HS6ST3: variants seen among roughly 807,000 people sequenced by gnomAD.
HS6ST3 encodes the protein heparan sulfate 6-O-sulfotransferase 3, also known as heparan-sulfate 6-O-sulfotransferase 3.
A neutral mutation model predicts 36.7 loss-of-function variants in HS6ST3; 12 were observed. The ratio of observed to expected loss-of-function variants is 0.33; its 90% CI spans 0.21 to 0.53. The LOEUF (loss-of-function observed/expected upper bound fraction) is 0.53. Among genes scored for constraint, HS6ST3 ranks in the 20% least tolerant of loss-of-function variants. HS6ST3 has a pLI of 0.95. For missense variants in HS6ST3, 584 were observed against 640.9 expected (o/e 0.91, Z 0.96); for synonymous variants, 240 against 257.5 (o/e 0.93, Z 0.65).
chr13:96,435,341 T>C (rs2055636321), intron 1 of HS6ST3, among the ~76,000 whole-genome samples: 1 of 151,896 alleles, frequency 6.6e-6, no homozygotes, highest in African/African-American at 2.4e-5. Context: ...CTTTATGGAG[T>C]CTGTATGTAT....
chr13:96,500,879 GAGTA>G (rs771362977), intron 1 of HS6ST3, among the ~76,000 whole-genome samples: 4 of 152,156 alleles, frequency 2.6e-5, no homozygotes, highest in South Asian at 2.1e-4. Context: ...GGCTTGCAAA[GAGTA>G]AGTGTGTGGC....
intron 1 of HS6ST3, among the ~76,000 whole-genome samples, chr13:96,566,828 G>T (rs886531251): frequency 3.3e-5 from 5 of 152,022 alleles, no homozygotes; most frequent in Admixed American, 2.6e-4. Flanking sequence ...GTCAAAAGCT[G>T]ATCAGTTAAA....
chr13:96,226,160 A>C (rs888583284), intron 1 of HS6ST3, among the ~76,000 whole-genome samples: 3 of 152,232 alleles, frequency 2.0e-5, no homozygotes, highest in South Asian at 2.1e-4. Flanking sequence ...AGAACACTTA[A>C]AAACAACCAA....
intron 1 of HS6ST3, among the ~76,000 whole-genome samples, chr13:96,472,734 A>G (rs2055845570): frequency 6.6e-6 from 1 of 152,114 alleles, no homozygotes; most frequent in Admixed American, 6.6e-5. Flanking sequence ...CCAATCAACA[A>G]TGTTTGTGAA....
intron 1 of HS6ST3, among the ~76,000 whole-genome samples, chr13:96,504,906 A>C (rs937026939): frequency 6.6e-6 from 1 of 152,184 alleles, no homozygotes; most frequent in Non-Finnish European, 1.5e-5. Flanking sequence ...AAATGTAAAA[A>C]TAAAATTTAA....
chr13:96,437,601 A>G (rs1391888284), intron 1 of HS6ST3, among the ~76,000 whole-genome samples: 1 of 152,246 alleles, frequency 6.6e-6, no homozygotes, highest in Non-Finnish European at 1.5e-5. Flanking sequence ...GATATGGGGT[A>G]AAAACAAGGG....
chr13:96,653,521 C>A (rs1243410236), intron 1 of HS6ST3, among the ~76,000 whole-genome samples: 1 of 152,074 alleles, frequency 6.6e-6, no homozygotes, highest in East Asian at 1.9e-4. Context: ...CATCCATGTC[C>A]CTGCAAAGGA....
chr13:96,092,382 A>G (rs2053769293), intron 1 of HS6ST3, among the ~76,000 whole-genome samples: 1 of 152,220 alleles, frequency 6.6e-6, no homozygotes, highest in Admixed American at 6.5e-5. Context: ...CCCAGCCTTA[A>G]AAAACAGTAA....
At chr13:96,781,425 A>C (rs767196211) in intron 1 of HS6ST3, among the ~76,000 whole-genome samples, 1 of 152,208 alleles carries the variant, frequency 6.6e-6, no homozygotes, top group Admixed American at 6.5e-5. Context: ...GGCTTGAGCC[A>C]AATTCTTCAA....
At chr13:96,447,345 T>C (rs900768251) in intron 1 of HS6ST3, among the ~76,000 whole-genome samples, 1 of 152,172 alleles carries the variant, frequency 6.6e-6, no homozygotes, top group Admixed American at 6.5e-5. Flanking sequence ...TGTGTACCCC[T>C]CTCTCCAGAT....
intron 1 of HS6ST3, among the ~76,000 whole-genome samples, chr13:96,110,378 C>G (rs768059189): frequency 2.0e-5 from 3 of 151,762 alleles, no homozygotes; most frequent in Admixed American, 6.6e-5. Context: ...CAAACACCCC[C>G]CTCCAGGCCT....
chr13:96,578,496 G>A (rs962823007), intron 1 of HS6ST3, among the ~76,000 whole-genome samples: 3 of 152,158 alleles, frequency 2.0e-5, no homozygotes, highest in South Asian at 2.1e-4. Flanking sequence ...GTTTTCTGCC[G>A]TTTCCTTTGT....
chr13:96,513,110 G>A (rs1272112232), intron 1 of HS6ST3, among the ~76,000 whole-genome samples: 1 of 152,128 alleles, frequency 6.6e-6, no homozygotes, highest in Admixed American at 6.5e-5. Context: ...AGCTGTGTGT[G>A]TTGCTTTGGA....
intron 1 of HS6ST3, among the ~76,000 whole-genome samples, chr13:96,309,638 A>G (rs1035682445): frequency 6.6e-6 from 1 of 152,170 alleles, no homozygotes; most frequent in African/African-American, 2.4e-5. Flanking sequence ...TAGATTCTCA[A>G]AGAGCTCTGT....
chr13:96,505,642 C>T (rs1301971695), intron 1 of HS6ST3, among the ~76,000 whole-genome samples: 1 of 152,116 alleles, frequency 6.6e-6, no homozygotes, highest in African/African-American at 2.4e-5. Flanking sequence ...TCTAAAAATA[C>T]ATTGCACATC....
chr13:96,603,093 C>A (rs567250047), intron 1 of HS6ST3, among the ~76,000 whole-genome samples: 9 of 152,086 alleles, frequency 5.9e-5, no homozygotes, highest in Non-Finnish European at 1.0e-4. Context: ...ATTGATGGAG[C>A]ATCTTACTCT....
chr13:96,347,075 A>G (rs2055159667), intron 1 of HS6ST3, among the ~76,000 whole-genome samples: 1 of 152,180 alleles, frequency 6.6e-6, no homozygotes, highest in South Asian at 2.1e-4. Context: ...GAGGCTACAG[A>G]TAAGACTGGA....
At chr13:96,509,694 T>C (rs565959540) in intron 1 of HS6ST3, among the ~76,000 whole-genome samples, 4 of 152,318 alleles carry the variant, frequency 2.6e-5, no homozygotes, top group Middle Eastern at 6.8e-3. Flanking sequence ...TTCTGTTTCA[T>C]TGGTGTATGC....
rs760631183 is a variant in HS6ST3, at chr13:96,837,888, T to G, written c.*4690T>G. ...AAACTCTCCCTTTTTAATGTCTTCTTCCCCAGGCTCCTGGTACTTTGTCAG... is the reference window on the plus strand; with the variant it reads ...AAACTCTCCCTTTTTAATGTCTTCTGCCCCAGGCTCCTGGTACTTTGTCAG... On this transcript the variant is annotated 3_prime_UTR_variant, in exon 2 of 2. Transcript: ENST00000376705. 2.0e-5 allele frequency: 3 copies of G among 152,172 alleles called. No individual in the cohort carries two copies. The highest frequency in any genetic ancestry group is 4.4e-5 in the Non-Finnish European group (3 of 68,028). 9.4% of individuals were successfully genotyped at this position (152,172 alleles called of 1,614,324 possible). A position where few individuals can be genotyped will look rare whatever the true frequency, so the allele number is the denominator to read the frequency against.
Sources: gnomAD v4.1 joint callset for allele counts (sites outside exome capture counted in the v4.1 genomes callset) on GRCh38, gnomAD v4.1.1 for gene constraint, MANE v1.5 for transcripts, NCBI Gene and HGNC (gene_info 2026-07-23, HGNC 2026-07-21) for gene names.